GRID2: variants seen among roughly 807,000 people sequenced by gnomAD.
GRID2 encodes glutamate ionotropic receptor delta type subunit 2.
In GRID2, 33 loss-of-function variants were observed where a neutral mutation model predicts 114.8. The ratio of observed to expected loss-of-function variants is 0.29; its 90% CI spans 0.22 to 0.38. The LOEUF (loss-of-function observed/expected upper bound fraction) is 0.38, where lower values mean the gene tolerates loss of function less well. Among genes scored for constraint, GRID2 ranks in the 10% least tolerant of loss-of-function variants. The pLI is 1.00. For missense variants in GRID2, 1,184 were observed against 1,257.7 expected (o/e 0.94, Z 0.89); for synonymous variants, 505 against 449.9 (o/e 1.12, Z -1.55).
chr4:93,466,037 CTT>C (rs1281465534), intron 11 of GRID2, among the ~76,000 whole-genome samples: 1 of 151,680 alleles, frequency 6.6e-6, no homozygotes, highest in Non-Finnish European at 1.5e-5. Context: ...CTCATAAAGA[CTT>C]AGGTTTTGGG....
At chr4:92,949,144 G>T (rs1324547861) in intron 2 of GRID2, among the ~76,000 whole-genome samples, 1 of 151,618 alleles carries the variant, frequency 6.6e-6, no homozygotes, top group African/African-American at 2.4e-5. Flanking sequence ...GTGTGTGTGT[G>T]TGTGTGTCTG....
intron 3 of GRID2, among the ~76,000 whole-genome samples, chr4:93,086,378 C>T (rs555587650): frequency 1.3e-5 from 2 of 152,176 alleles, no homozygotes; most frequent in African/African-American, 2.4e-5. Flanking sequence ...AACAGTTACA[C>T]AAGAGTCGTC....
chr4:93,612,930 A>C (rs1392837886), intron 13 of GRID2, among the ~76,000 whole-genome samples: 18 of 146,220 alleles, frequency 1.2e-4, no homozygotes, highest in East Asian at 2.0e-4. Context: ...TCCATTCTCC[A>C]CATCACTTTC....
intron 1 of GRID2, among the ~76,000 whole-genome samples, chr4:92,511,385 G>T (rs916987175): frequency 6.6e-6 from 1 of 151,758 alleles, no homozygotes; most frequent in African/African-American, 2.4e-5. Context: ...CCTCCCACCA[G>T]GTCCACCGCC....
At chr4:92,828,210 C>T (rs1379194268) in intron 2 of GRID2, among the ~76,000 whole-genome samples, 1 of 152,004 alleles carries the variant, frequency 6.6e-6, no homozygotes, top group East Asian at 1.9e-4. Context: ...GATTTTAGTT[C>T]CCAGGTCCAC....
chr4:93,157,987 T>C (rs1299378383), intron 4 of GRID2, among the ~76,000 whole-genome samples: 1 of 151,904 alleles, frequency 6.6e-6, no homozygotes, highest in Non-Finnish European at 1.5e-5. Flanking sequence ...CAAGCATGAC[T>C]ACAGTTGCAC....
At chr4:93,452,643 T>A (rs911936369) in intron 10 of GRID2, among the ~76,000 whole-genome samples, 1 of 152,072 alleles carries the variant, frequency 6.6e-6, no homozygotes, top group Non-Finnish European at 1.5e-5. Context: ...AGACTGGGTA[T>A]GGGCTATAGG....
chr4:92,828,043 C>A (rs1741849558), intron 2 of GRID2, among the ~76,000 whole-genome samples: 1 of 151,988 alleles, frequency 6.6e-6, no homozygotes, highest in Non-Finnish European at 1.5e-5. Flanking sequence ...GAACTTCCTG[C>A]TAGGCTTTCT....
chr4:92,747,206 T>A (rs956705861), intron 2 of GRID2, among the ~76,000 whole-genome samples: 2 of 152,044 alleles, frequency 1.3e-5, no homozygotes, highest in East Asian at 1.9e-4. Flanking sequence ...GACAGGTTAC[T>A]TTTATTGTAA....
chr4:93,524,313 A>G (rs1417006490), intron 13 of GRID2, among the ~76,000 whole-genome samples: 1 of 151,972 alleles, frequency 6.6e-6, no homozygotes, highest in East Asian at 2.0e-4. Flanking sequence ...TACATGATTC[A>G]CTTCAGTACT....
chr4:93,096,429 C>T (rs944510773), intron 3 of GRID2, among the ~76,000 whole-genome samples: 1 of 151,894 alleles, frequency 6.6e-6, no homozygotes, highest in Non-Finnish European at 1.5e-5. Context: ...AATTCTAAAA[C>T]ATAGATCCGA....
chr4:92,538,332 T>A (rs1391744198), intron 1 of GRID2, among the ~76,000 whole-genome samples: 1 of 152,190 alleles, frequency 6.6e-6, no homozygotes, highest in Non-Finnish European at 1.5e-5. Context: ...ATTTCATCAT[T>A]GCCTGATAAA....
intron 11 of GRID2, among the ~76,000 whole-genome samples, chr4:93,485,910 T>G (rs1020112144): frequency 6.6e-6 from 1 of 151,602 alleles, no homozygotes; most frequent in African/African-American, 2.4e-5. Flanking sequence ...CCTGGGATTT[T>G]TAATTGGGAA....
intron 8 of GRID2, chr4:93,259,036 A>T (rs1749946959): frequency 2.5e-6 from 1 of 395,366 alleles, no homozygotes; most frequent in African/African-American, 2.1e-5. Context: ...GGGAAAAAAG[A>T]TTAAAGAAAA....
intron 2 of GRID2, among the ~76,000 whole-genome samples, chr4:92,924,856 T>G (rs552631647): frequency 6.6e-6 from 1 of 152,248 alleles, no homozygotes; most frequent in Admixed American, 6.6e-5. Context: ...AATAAGATCC[T>G]TTGTTGTAGC....
At chr4:93,803,196 A>G (rs1042256998) in intron 1 of GRID2, among the ~76,000 whole-genome samples, 7 of 152,188 alleles carry the variant, frequency 4.6e-5, no homozygotes, top group Non-Finnish European at 7.3e-5. Flanking sequence ...AAGAATTAAA[A>G]TTTTCAAGTA....
chr4:93,709,237 T>C (rs147847659), intron 14 of GRID2, among the ~76,000 whole-genome samples: 1 of 152,296 alleles, frequency 6.6e-6, no homozygotes, highest in African/African-American at 2.4e-5. Flanking sequence ...TTCTTTCAGA[T>C]TGTAAAACAC....
chr4:92,715,543 A>C (rs113536059), intron 2 of GRID2, among the ~76,000 whole-genome samples: 17,397 of 151,500 alleles, frequency 0.11, 1,067 homozygotes, highest in Middle Eastern at 0.22. Flanking sequence ...GGCAATTTAC[A>C]AAAAAAAAGA....
intron 13 of GRID2, among the ~76,000 whole-genome samples, chr4:93,542,701 G>A (rs1011900436): frequency 2.6e-5 from 4 of 152,098 alleles, no homozygotes; most frequent in Admixed American, 6.6e-5. Context: ...GGGTCTGGTC[G>A]CAATGCTCAG....
Sources: allele counts gnomAD v4.1 joint callset (sites outside exome capture counted in the v4.1 genomes callset), GRCh38; gene constraint gnomAD v4.1.1; transcripts MANE v1.5; gene names NCBI Gene and HGNC (gene_info 2026-07-23, HGNC 2026-07-21).